ULK4: variants seen among roughly 807,000 people sequenced by gnomAD.
ULK4 encodes the protein unc-51 like kinase 4.
Under a neutral mutation model 160.6 loss-of-function variants are expected in ULK4, and 133 were observed. The ratio of observed to expected loss-of-function variants is 0.83; its 90% CI spans 0.72 to 0.96. The LOEUF is 0.96. Ranked by LOEUF, ULK4 falls within the 40% of genes least tolerant of loss-of-function variation. The pLI is 0.00. For missense variants in ULK4, 1,580 were observed against 1,499.5 expected, an observed-to-expected ratio of 1.05 and a Z score of -0.89; for synonymous variants, 534 against 539.8, an observed-to-expected ratio of 0.99 and a Z score of 0.15.
intron 35 of ULK4, among the ~76,000 whole-genome samples, chr3:41,291,298 A>C (rs1466903511): frequency 6.6e-6 from 1 of 151,082 alleles, no homozygotes; most frequent in African/African-American, 2.4e-5. Context: ...GATAAGTATA[A>C]GAGGAAAGAA....
At chr3:41,452,146 C>T (rs1037970827) in intron 34 of ULK4, among the ~76,000 whole-genome samples, 1 of 152,156 alleles carries the variant, frequency 6.6e-6, no homozygotes, top group Non-Finnish European at 1.5e-5. Context: ...CTGTGGCCTA[C>T]ACAGAGCCAT....
intron 35 of ULK4, among the ~76,000 whole-genome samples, chr3:41,358,792 T>G (rs2081075634): frequency 6.6e-6 from 1 of 152,090 alleles, no homozygotes. Context: ...GTCCACGGCT[T>G]GCATGCCATA....
intron 30 of ULK4, among the ~76,000 whole-genome samples, chr3:41,663,031 G>C (rs2035233080): frequency 6.6e-6 from 1 of 151,944 alleles, no homozygotes; most frequent in African/African-American, 2.4e-5. Context: ...GACCAGCCTG[G>C]CCAACATGGT....
At chr3:41,693,894 C>T (rs935886558) in intron 27 of ULK4, among the ~76,000 whole-genome samples, 16 of 152,148 alleles carry the variant, frequency 1.1e-4, no homozygotes, top group African/African-American at 3.1e-4. Context: ...GTACTTCAAA[C>T]GAATATTATA....
chr3:41,440,442 G>A (rs11707491), intron 34 of ULK4, among the ~76,000 whole-genome samples: 4,781 of 152,158 alleles, frequency 0.031, 107 homozygotes, highest in Non-Finnish European at 0.049. Flanking sequence ...TTCTTAGCTT[G>A]CTAATGTATA....
At chr3:41,326,913 T>G (rs866972343) in intron 35 of ULK4, among the ~76,000 whole-genome samples, 4 of 152,292 alleles carry the variant, frequency 2.6e-5, no homozygotes, top group Middle Eastern at 3.4e-3. Flanking sequence ...ACAGGACCTT[T>G]AAGGACACTG....
chr3:41,392,860 T>C (rs893042866), intron 35 of ULK4, among the ~76,000 whole-genome samples: 1 of 152,134 alleles, frequency 6.6e-6, no homozygotes, highest in Non-Finnish European at 1.5e-5. Context: ...CCTCTGTTTC[T>C]CTATGGAATC....
chr3:41,519,427 G>A (rs549821290), intron 32 of ULK4, among the ~76,000 whole-genome samples: 4 of 152,272 alleles, frequency 2.6e-5, no homozygotes, highest in South Asian at 2.1e-4. Context: ...ATAATCAGTC[G>A]CTAATTTCAT....
chr3:41,368,860 T>C (rs978111635), intron 35 of ULK4, among the ~76,000 whole-genome samples: 2 of 152,136 alleles, frequency 1.3e-5, no homozygotes, highest in African/African-American at 2.4e-5. Context: ...ATGTATAAAC[T>C]GTATTGCTTT....
intron 35 of ULK4, among the ~76,000 whole-genome samples, chr3:41,254,678 T>C (rs965407478): frequency 6.6e-6 from 1 of 151,688 alleles, no homozygotes; most frequent in African/African-American, 2.4e-5. Context: ...GGTCAGGAGA[T>C]TGAGACCAGC....
chr3:41,836,988 T>C (rs2041778498), intron 17 of ULK4, among the ~76,000 whole-genome samples: 1 of 152,206 alleles, frequency 6.6e-6, no homozygotes, highest in Non-Finnish European at 1.5e-5. Flanking sequence ...CTACTCTCAA[T>C]GTGACTCAAA....
At chr3:41,553,165 G>A (rs1229168390) in intron 32 of ULK4, among the ~76,000 whole-genome samples, 1 of 151,990 alleles carries the variant, frequency 6.6e-6, no homozygotes, top group Non-Finnish European at 1.5e-5. Flanking sequence ...AAAAAATATA[G>A]AGATAATTCT....
chr3:41,824,295 C>T lies in ULK4; in HGVS notation c.1765-4789G>A, dbSNP rs544824363. ...CAACTGAGGTACCAGGTTCATCTCA[C>T]TGGGGAGTGTCGGACAGTGGGTGCA... On this transcript the variant is annotated intron_variant, in intron 18 of 36. Coordinates refer to ENST00000301831, the MANE Select transcript of ULK4 (RefSeq NM_017886.4). Among the ~76,000 whole-genome samples the T allele has an allele frequency of 1.1e-4, 16 of 152,052 alleles. No individual in the cohort carries two copies. In the South Asian group the frequency reaches 2.7e-3, roughly 26 times the overall value.
At chr3:41,925,704 C>T (rs1271478151) in intron 5 of ULK4, among the ~76,000 whole-genome samples, 2 of 152,004 alleles carry the variant, frequency 1.3e-5, no homozygotes, top group African/African-American at 4.8e-5. Context: ...CTGGGACGCT[C>T]GAGCTTGGTG....
chr3:41,823,073 G>A (rs73079325), intron 18 of ULK4, among the ~76,000 whole-genome samples: 38,505 of 151,660 alleles, frequency 0.25, 6,046 homozygotes, highest in African/African-American at 0.45. Flanking sequence ...AGATAATGAT[G>A]AGTGCTATAA....
intron 35 of ULK4, among the ~76,000 whole-genome samples, chr3:41,367,686 G>T (rs2081278275): frequency 6.6e-6 from 1 of 152,090 alleles, no homozygotes; most frequent in Non-Finnish European, 1.5e-5. Flanking sequence ...CTCAAATTAG[G>T]CATCTATTAT....
At chr3:41,469,597 C>T (rs1369643710) in intron 32 of ULK4, among the ~76,000 whole-genome samples, 1 of 52,694 alleles carries the variant, frequency 1.9e-5, no homozygotes, top group African/African-American at 9.6e-5. Flanking sequence ...AAGGCCTACA[C>T]CTGCCAAAAA....
rs915813240 is a variant in ULK4, at chr3:41,772,317, T to C, written c.2193+17344A>G. Among the ~76,000 whole-genome samples the C allele has an allele frequency of 1.5e-3, 221 of 152,030 alleles. 1 individual carries two copies. The highest frequency in any genetic ancestry group is 6.8e-3 in the Middle Eastern group (2 of 294). Reference sequence around the variant, plus strand: ...GAAAAGATCAACAAAATTGATAGACTGCTAGCAAGACTAATAAAGAAGAAA... The same window carrying C: ...GAAAAGATCAACAAAATTGATAGACCGCTAGCAAGACTAATAAAGAAGAAA... On this transcript the variant is annotated intron_variant, in intron 21 of 36. Coordinates refer to ENST00000301831, the MANE Select transcript of ULK4 (RefSeq NM_017886.4).
At chr3:41,652,761 T>C (rs570735562) in intron 30 of ULK4, among the ~76,000 whole-genome samples, 265 of 152,322 alleles carry the variant, frequency 1.7e-3, no homozygotes, top group Non-Finnish European at 2.1e-3. Flanking sequence ...TGGACTGTTC[T>C]TATAAGTGTG....
Sources: gnomAD v4.1 joint callset for allele counts (sites outside exome capture counted in the v4.1 genomes callset) on GRCh38, gnomAD v4.1.1 for gene constraint, MANE v1.5 for transcripts, NCBI Gene and HGNC (gene_info 2026-07-23, HGNC 2026-07-21) for gene names.